CNTN3: variants seen among roughly 807,000 people sequenced by gnomAD.
CNTN3 encodes contactin 3.
In CNTN3, 60 loss-of-function variants were observed where a neutral mutation model predicts 119.1. That is an observed-to-expected ratio of 0.50 (90% CI 0.41 to 0.62). CNTN3 has a LOEUF of 0.62. CNTN3 is among the 20% of genes least tolerant of loss of function. The probability of loss-of-function intolerance (pLI) is 0.00; values close to 1 mark genes in which losing one functional copy is unlikely to be tolerated. For missense variants in CNTN3, 1,101 were observed against 1,242.4 expected (o/e 0.89, Z 1.71); for synonymous variants, 450 against 438.7 (o/e 1.03, Z -0.32).
intron 4 of CNTN3, among the ~76,000 whole-genome samples, chr3:74,453,705 G>C (rs1201395536): frequency 2.0e-5 from 3 of 150,126 alleles, no homozygotes; most frequent in Admixed American, 6.6e-5. Context: ...CAGAGATTCT[G>C]GTATGTTGTG....
At chr3:74,545,960 T>C (rs2107153259) in intron 1 of CNTN3, among the ~76,000 whole-genome samples, 1 of 152,290 alleles carries the variant, frequency 6.6e-6, no homozygotes, top group Non-Finnish European at 1.5e-5. Context: ...TAAAAGTTTC[T>C]TCTTAATTTG....
At chr3:74,479,606 C>CT (rs201500757) in intron 4 of CNTN3, among the ~76,000 whole-genome samples, 1 of 151,902 alleles carries the variant, frequency 6.6e-6, no homozygotes, top group Non-Finnish European at 1.5e-5. Context: ...ATGATGCATC[C>CT]TTTTTTAGGA....
chr3:74,278,890 C>T (rs559698010), intron 20 of CNTN3, among the ~76,000 whole-genome samples: 28 of 151,766 alleles, frequency 1.8e-4, no homozygotes, highest in African/African-American at 6.0e-4. Context: ...GAATCTACAA[C>T]GAACTCAAAT....
intron 5 of CNTN3, among the ~76,000 whole-genome samples, chr3:74,378,132 C>A (rs1282813137): frequency 1.3e-5 from 2 of 152,154 alleles, no homozygotes; most frequent in African/African-American, 4.8e-5. Context: ...ATTTTTATCA[C>A]CGATTCATAC....
intron 18 of CNTN3, 29 bp from the exon 19 acceptor site, chr3:74,295,265 T>C (rs775054151): frequency 1.6e-6 from 2 of 1,288,402 alleles, no homozygotes; most frequent in Non-Finnish European, 2.2e-6. Context: ...TGAAATATGA[T>C]GATAATTTTG....
intron 3 of CNTN3, among the ~76,000 whole-genome samples, chr3:74,496,813 C>G (rs1404878385): frequency 1.3e-5 from 2 of 151,954 alleles, no homozygotes; most frequent in African/African-American, 2.4e-5. Flanking sequence ...GAATAAAATC[C>G]TCAATTAAAC....
At chr3:74,521,396 C>T (rs1024291086) in intron 1 of CNTN3, among the ~76,000 whole-genome samples, 6 of 150,940 alleles carry the variant, frequency 4.0e-5, no homozygotes, top group African/African-American at 7.3e-5. Context: ...TAGATGGAAA[C>T]GATCTTATAG....
intron 22 of CNTN3, 84 bp downstream of exon 22, chr3:74,266,397 T>C (rs1333035294): frequency 2.3e-6 from 3 of 1,321,354 alleles, no homozygotes; most frequent in Non-Finnish European, 3.1e-6. Context: ...AAAGAAAGAA[T>C]GGACAGAGGG....
chr3:74,500,580 T>C (rs1703150391), intron 2 of CNTN3, among the ~76,000 whole-genome samples: 1 of 149,718 alleles, frequency 6.7e-6, no homozygotes, highest in South Asian at 2.1e-4. Context: ...GGAGTTTCTA[T>C]TAACTCAGAG....
intron 4 of CNTN3, among the ~76,000 whole-genome samples, chr3:74,470,330 G>A (rs7625404): frequency 0.15 from 22,268 of 151,800 alleles, 1,893 homozygotes; most frequent in East Asian, 0.45. Context: ...GGAATTACAC[G>A]GTATGTAAAT....
At chr3:74,335,129 G>T (rs1305454983) in intron 12 of CNTN3, among the ~76,000 whole-genome samples, 3 of 152,118 alleles carry the variant, frequency 2.0e-5, no homozygotes, top group African/African-American at 4.8e-5. Flanking sequence ...AAGAAATTAG[G>T]ATATTTGAAC....
rs1488165314 is a variant in CNTN3 at position 74,369,242 on chromosome 3, A to G, written c.893T>C (p.Ile298Thr). The G allele has an allele frequency of 5.0e-6, 8 of 1,611,062 alleles. No individual in the cohort carries two copies. Among genetic ancestry groups the G allele is most frequent in the Non-Finnish European group, 5.9e-6 (7 of 1,178,556 alleles). The change falls in exon 8 of 23, where the codon ATT becomes ACT. Residue 298 changes from isoleucine (I) to threonine (T), a missense_variant. Coordinates refer to ENST00000263665, the MANE Select transcript of CNTN3 (RefSeq NM_020872.3). ...ATTTTTTCCTCGTGAATTCTCAGCAATGCATTCATAGGAACCTGCATCTTC... is the reference window on the plus strand; with the variant it reads ...ATTTTTTCCTCGTGAATTCTCAGCAGTGCATTCATAGGAACCTGCATCTTC... ...QQEDAGSYEC[I>T]AENSRGKNVA... is the part of the protein sequence containing the mutation.
chr3:74,594,237 C>A, intron 1 of CNTN3, among the ~76,000 whole-genome samples: 1 of 146,464 alleles, frequency 6.8e-6, no homozygotes, highest in African/African-American at 2.5e-5. Context: ...ACACATAGTA[C>A]TAGGGTTAGA....
At chr3:74,405,797 C>T (rs1559585676) in intron 5 of CNTN3, among the ~76,000 whole-genome samples, 1 of 151,962 alleles carries the variant, frequency 6.6e-6, no homozygotes, top group Non-Finnish European at 1.5e-5. Flanking sequence ...TGGCTAGTAT[C>T]CAAGAAGACT....
intron 11 of CNTN3, among the ~76,000 whole-genome samples, chr3:74,353,708 A>G (rs1703869473): frequency 6.6e-6 from 1 of 152,118 alleles, no homozygotes; most frequent in Admixed American, 6.5e-5. Flanking sequence ...GTGAGCCGAG[A>G]TTGCGCCACT....
chr3:74,302,789 T>C lies in CNTN3; in HGVS notation c.1687A>G (p.Met563Val). 6.2e-7 allele frequency: 1 copy of C among 1,610,876 alleles called. No individual in the cohort carries two copies. Among genetic ancestry groups the C allele is most frequent in the Non-Finnish European group, 8.5e-7 (1 of 1,177,342 alleles). Residue 563 changes from methionine to valine, a missense_variant, in exon 14 of 23, where the codon ATG becomes GTG. Physicochemically the swap from Met to Val is conservative, Grantham distance 21. Transcript: ENST00000263665. ...KVGGSSSGDLMIRNIQLKHSG... is the reference protein window; with the variant it reads ...KVGGSSSGDLVIRNIQLKHSG... ...TGTTTCAGCTGAATGTTTCTGATCA[T>C]TAAATCACCAGATGAACTCTGTTGG...
At chr3:74,574,292 A>G (rs1362307311) in intron 1 of CNTN3, among the ~76,000 whole-genome samples, 4 of 152,156 alleles carry the variant, frequency 2.6e-5, no homozygotes, top group Admixed American at 6.5e-5. Context: ...GCAGGGGGAG[A>G]AGAGACTGGG....
chr3:74,267,231 T>C, intron 21 of CNTN3, 35 bp downstream of exon 21: 1 of 1,360,234 alleles, frequency 7.4e-7, no homozygotes, highest in Non-Finnish European at 1.1e-6. Context: ...CTGCCAAAAT[T>C]ACGAAAATGA....
intron 1 of CNTN3, among the ~76,000 whole-genome samples, chr3:74,522,558 A>T (rs1703558676): frequency 6.6e-6 from 1 of 151,914 alleles, no homozygotes; most frequent in African/African-American, 2.4e-5. Context: ...GAAGTAAGAT[A>T]GGAAAAGGAA....
Sources: allele counts gnomAD v4.1 joint callset (sites outside exome capture counted in the v4.1 genomes callset), GRCh38; gene constraint gnomAD v4.1.1; transcripts MANE v1.5; gene names NCBI Gene and HGNC (gene_info 2026-07-23, HGNC 2026-07-21).